Variants in TMEM9 observed in about 807,000 individuals in gnomAD.
TMEM9 encodes proton-transporting V-type ATPase complex assembly regulator TMEM9.
TMEM9 carries 13 observed loss-of-function variants against 22.8 expected under a neutral mutation model. That is an observed-to-expected ratio of 0.57 (90% CI 0.37 to 0.91). The LOEUF is 0.91. Ranked by LOEUF, TMEM9 falls within the 40% of genes least tolerant of loss-of-function variation. The pLI, the probability that TMEM9 is intolerant of heterozygous loss-of-function variation, is 0.01. For synonymous variants in TMEM9, 88 were observed against 93.0 expected (o/e 0.95, Z 0.31); for missense variants, 182 against 238.1 (o/e 0.76, Z 1.55).
At chr1:201,151,609 G>C in intron 2 of TMEM9, 152 bp downstream of exon 2, 1 of 653,418 alleles carries the variant, frequency 1.5e-6, no homozygotes, top group Non-Finnish European at 2.7e-6. Context: ...TGACAACTAT[G>C]AAATTGGTTC....
chr1:201,144,610 T>C (rs1463174182), intron 3 of TMEM9: 3 of 110,382 alleles, frequency 2.7e-5, no homozygotes, highest in African/African-American at 9.2e-5. Context: ...GCTGGAGTCA[T>C]TTTGTTTTTA....
chr1:201,170,318 A>G (rs1333513122), intron 1 of TMEM9, among the ~76,000 whole-genome samples: 8 of 152,230 alleles, frequency 5.3e-5, no homozygotes, highest in Non-Finnish European at 4.4e-5. Flanking sequence ...ATCAAAAGCT[A>G]TTACTAGAAC....
chr1:201,144,035 C>T (rs1411234444), intron 3 of TMEM9, 84 bp from the exon 4 acceptor site: 81 of 1,510,666 alleles, frequency 5.4e-5, no homozygotes, highest in Non-Finnish European at 6.3e-5. Flanking sequence ...CATCTGTGTC[C>T]GGCTGGCAGT....
At chr1:201,162,815 A>G (rs12085210) in intron 1 of TMEM9, among the ~76,000 whole-genome samples, 6,116 of 152,276 alleles carry the variant, frequency 0.04, 325 homozygotes, top group African/African-American at 0.13. Context: ...TGCACATGAC[A>G]TATCTAATGA....
chr1:201,153,844 C>T lies in TMEM9; in HGVS notation c.66+14G>A. ...TGTGGTCGTGACCAGGTGCTGCAGG[C>T]TCACCTCCCTCACCTTGTTGGCTTC... On this transcript the variant is annotated intron_variant, in intron 1 of 4. Coordinates refer to ENST00000367330, the MANE Select transcript of TMEM9 (RefSeq NM_001288565.2). The T allele has an allele frequency of 6.2e-7, 1 of 1,614,150 alleles. No homozygotes were observed. The highest frequency in any genetic ancestry group is 1.1e-5 in the South Asian group (1 of 91,066).
intron 2 of TMEM9, among the ~76,000 whole-genome samples, 183 bp downstream of exon 2, chr1:201,151,578 G>A (rs984985500): frequency 1.3e-5 from 2 of 152,206 alleles, no homozygotes; most frequent in Admixed American, 6.5e-5. Flanking sequence ...CAGACACCTG[G>A]ATCCTGTTTC....
intron 4 of TMEM9, 134 bp from the exon 5 acceptor site, chr1:201,135,949 T>G: frequency 1.1e-6 from 1 of 881,116 alleles, no homozygotes; most frequent in Non-Finnish European, 1.6e-6. Flanking sequence ...CCTCCCCAAG[T>G]GCTGCAGGCT....
intron 1 of TMEM9, among the ~76,000 whole-genome samples, chr1:201,161,798 A>T (rs1192993133): frequency 1.3e-5 from 2 of 152,206 alleles, no homozygotes; most frequent in East Asian, 3.8e-4. Context: ...TGACTTCTAG[A>T]TCCTTTCCCT....
At position 201,154,391 on chromosome 1, in the gene TMEM9, A is replaced by AC. The variant is rs202192014; in HGVS notation, c.-469dup. ...CCCAGAGGTCTTAAGCCGGACTGGG[A>AC]CCCCCAATAGCCCCGCGACCCCCGT... On this transcript the variant is annotated 5_prime_UTR_variant, in exon 1 of 5. Transcript: ENST00000367330. 1,331 of 160,544 alleles carry AC rather than the reference A, an allele frequency of 8.3e-3. 9 individuals are homozygous for AC. Among genetic ancestry groups the AC allele is most frequent in the Admixed American group, 0.015 (250 of 16,678 alleles). 9.9% of individuals were successfully genotyped at this position (160,544 alleles called of 1,614,324 possible).
At chr1:201,158,360 T>C (rs535285234), upstream of TMEM9, among the ~76,000 whole-genome samples, 127 of 142,108 alleles carry the variant, frequency 8.9e-4, no homozygotes, top group African/African-American at 3.0e-3. Context: ...GGGAAACAAA[T>C]ACTGCCAGGA....
chr1:201,139,977 G>A (rs1418912834), intron 4 of TMEM9, among the ~76,000 whole-genome samples: 3 of 152,320 alleles, frequency 2.0e-5, no homozygotes, highest in East Asian at 1.9e-4. Flanking sequence ...GCCCTCAGGG[G>A]AGGAGGCCGA....
intron 4 of TMEM9, among the ~76,000 whole-genome samples, chr1:201,137,488 AC>A (rs1664109837): frequency 1.3e-5 from 2 of 151,132 alleles, no homozygotes; most frequent in African/African-American, 4.9e-5. Flanking sequence ...ACACACACAC[AC>A]ACACACACAC....
chr1:201,149,048 G>A (rs1027051609), intron 2 of TMEM9, among the ~76,000 whole-genome samples: 1 of 152,178 alleles, frequency 6.6e-6, no homozygotes, highest in African/African-American at 2.4e-5. Flanking sequence ...TACCAGTATT[G>A]CAGTGGAATC....
chr1:201,142,049 T>C (rs185550148), intron 4 of TMEM9, among the ~76,000 whole-genome samples: 141 of 152,284 alleles, frequency 9.3e-4, no homozygotes, highest in Middle Eastern at 3.4e-3. Context: ...CTGCTATTAC[T>C]CTACATTAAT....
At chr1:201,167,385 C>T (rs569722414) in intron 1 of TMEM9, among the ~76,000 whole-genome samples, 1 of 152,168 alleles carries the variant, frequency 6.6e-6, no homozygotes, top group Non-Finnish European at 1.5e-5. Flanking sequence ...TATAGGGAGT[C>T]AAAGCTGTCC....
chr1:201,146,645 T>C (rs749436347), intron 3 of TMEM9, 95 bp downstream of exon 3: 2 of 1,316,502 alleles, frequency 1.5e-6, no homozygotes, highest in Non-Finnish European at 2.2e-6. Flanking sequence ...ATTGGGACAT[T>C]CCAGAATAAA....
At chr1:201,145,038 G>A (rs905271466) in intron 3 of TMEM9, 1 of 152,288 alleles carries the variant, frequency 6.6e-6, no homozygotes, top group African/African-American at 2.4e-5. Flanking sequence ...AAGTTCCACT[G>A]GACCAATGTC....
upstream of TMEM9, among the ~76,000 whole-genome samples, chr1:201,157,033 C>T (rs929425797): frequency 9.2e-5 from 14 of 152,062 alleles, no homozygotes; most frequent in Non-Finnish European, 1.8e-4. Context: ...GAGGTAGACA[C>T]ACAAAGAGTG....
chr1:201,138,608 A>C (rs1664224792), intron 4 of TMEM9, among the ~76,000 whole-genome samples: 1 of 152,152 alleles, frequency 6.6e-6, no homozygotes, highest in Admixed American at 6.5e-5. Context: ...TTGGACATGG[A>C]TGGATTCCCA....
Sources: gnomAD v4.1 joint callset for allele counts (sites outside exome capture counted in the v4.1 genomes callset) on GRCh38, gnomAD v4.1.1 for gene constraint, MANE v1.5 for transcripts, NCBI Gene and HGNC (gene_info 2026-07-23, HGNC 2026-07-21) for gene names.